CHRM3: variants seen among roughly 807,000 people sequenced by gnomAD.
CHRM3 encodes muscarinic acetylcholine receptor M3.
In CHRM3, 11 loss-of-function variants were observed where a neutral mutation model predicts 41.8. The ratio of observed to expected loss-of-function variants is 0.26; its 90% confidence interval spans 0.17 to 0.44. The LOEUF (loss-of-function observed/expected upper bound fraction) is 0.44. Ranked by LOEUF, CHRM3 falls within the 20% of genes least tolerant of loss-of-function variation. The probability of loss-of-function intolerance (pLI) is 1.00; values close to 1 mark genes in which losing one functional copy is unlikely to be tolerated. For missense variants in CHRM3, 571 were observed against 745.4 expected (o/e 0.77, Z 2.72); for synonymous variants, 297 against 301.4 (o/e 0.99, Z 0.15).
At chr1:239,401,742 C>A (rs1572167076) in intron 1 of CHRM3, among the ~76,000 whole-genome samples, 1 of 152,270 alleles carries the variant, frequency 6.6e-6, no homozygotes, top group East Asian at 1.9e-4. Context: ...ATCCACCCTC[C>A]TTGGCCTCCC....
At chr1:239,744,179 G>T (rs1307076766) in intron 5 of CHRM3, among the ~76,000 whole-genome samples, 1 of 151,920 alleles carries the variant, frequency 6.6e-6, no homozygotes, top group Non-Finnish European at 1.5e-5. Flanking sequence ...ACCACCGTGT[G>T]TCTTAGGAAC....
intron 1 of CHRM3, among the ~76,000 whole-genome samples, chr1:239,410,463 A>G (rs973695968): frequency 1.3e-5 from 2 of 152,176 alleles, no homozygotes; most frequent in Non-Finnish European, 2.9e-5. Flanking sequence ...TTCACCCTCT[A>G]AGAACCCATT....
At chr1:239,871,390 C>T (rs546869210) in intron 6 of CHRM3, among the ~76,000 whole-genome samples, 4 of 151,936 alleles carry the variant, frequency 2.6e-5, no homozygotes, top group African/African-American at 4.8e-5. Flanking sequence ...TACAGGCATG[C>T]GCCAGCATGC....
intron 6 of CHRM3, among the ~76,000 whole-genome samples, chr1:239,864,805 A>C (rs1675950033): frequency 6.6e-6 from 1 of 152,074 alleles, no homozygotes; most frequent in African/African-American, 2.4e-5. Context: ...AAATTAAACT[A>C]TTTTGAGATA....
chr1:239,633,439 G>A (rs1460078329), intron 4 of CHRM3, among the ~76,000 whole-genome samples: 1 of 152,096 alleles, frequency 6.6e-6, no homozygotes, highest in East Asian at 1.9e-4. Flanking sequence ...TCAACAGATA[G>A]AGATTACGGT....
intron 5 of CHRM3, among the ~76,000 whole-genome samples, chr1:239,738,906 G>C (rs920168048): frequency 2.6e-5 from 4 of 152,166 alleles, no homozygotes; most frequent in African/African-American, 9.7e-5. Context: ...TGAGGTAGAA[G>C]CCTTGGTCAC....
chr1:239,482,588 T>A (rs1410099181), intron 1 of CHRM3, among the ~76,000 whole-genome samples: 3 of 152,188 alleles, frequency 2.0e-5, no homozygotes, highest in Admixed American at 6.5e-5. Flanking sequence ...ATTATTAATA[T>A]ACCACTGCCT....
At chr1:239,487,503 A>G (rs1261408044) in intron 1 of CHRM3, among the ~76,000 whole-genome samples, 1 of 152,164 alleles carries the variant, frequency 6.6e-6, no homozygotes, top group Non-Finnish European at 1.5e-5. Context: ...ACCTAGGAGA[A>G]GTTCAGTCAG....
At chr1:239,905,245 T>C (rs1679879033) in intron 6 of CHRM3, among the ~76,000 whole-genome samples, 1 of 152,174 alleles carries the variant, frequency 6.6e-6, no homozygotes, top group African/African-American at 2.4e-5. Flanking sequence ...TGGAAGGAGC[T>C]GGTGGAGAGG....
At chr1:239,663,409 T>C (rs1366221985) in intron 4 of CHRM3, among the ~76,000 whole-genome samples, 1 of 152,170 alleles carries the variant, frequency 6.6e-6, no homozygotes, top group Non-Finnish European at 1.5e-5. Flanking sequence ...CCACATCCCC[T>C]GGAGAGGGAA....
chr1:239,501,972 G>C (rs1668270925), intron 2 of CHRM3, among the ~76,000 whole-genome samples: 1 of 152,120 alleles, frequency 6.6e-6, no homozygotes, highest in African/African-American at 2.4e-5. Flanking sequence ...ACTTCAGAAA[G>C]ACTGACAGAG....
intron 6 of CHRM3, among the ~76,000 whole-genome samples, chr1:239,874,326 T>TATATATATATATATAC (rs1327295792): frequency 8.2e-6 from 1 of 121,984 alleles, no homozygotes; most frequent in Non-Finnish European, 1.7e-5. Flanking sequence ...TATATATATA[T>TATATATATATATATAC]ACACAGTTGA....
At chr1:239,631,807 G>T in intron 3 of CHRM3, among the ~76,000 whole-genome samples, 1 of 152,132 alleles carries the variant, frequency 6.6e-6, no homozygotes, top group East Asian at 1.9e-4. Context: ...GGTAGCAAAT[G>T]GAATACTTGT....
At position 239,908,652 on chromosome 1, in the gene CHRM3, T is replaced by A. The variant is rs201160361; in HGVS notation, c.1201T>A (p.Leu401Met). 28 of 1,612,436 alleles carry A rather than the reference T, an allele frequency of 1.7e-5. 1 individual carries two copies. In the Middle Eastern group the frequency reaches 4.9e-4, roughly 28 times the overall value. Residue 401 changes from leucine (L) to methionine (M), a missense_variant, in exon 7 of 7, where the codon TTG (leucine) becomes ATG (methionine). Leu to Met is a conservative substitution (Grantham distance 15). Coordinates refer to ENST00000676153, the MANE Select transcript of CHRM3 (RefSeq NM_001375978.1). The surrounding 1 kb of genome is among the most constrained non-coding windows in gnomAD (Gnocchi z 7.2). ...VPEEELGMVD[L>M]ERKADKLQAQ... ...TGAGGAGGAGCTGGGGATGGTGGAC[T>A]TGGAGAGGAAAGCCGACAAGCTGCA... is the stretch of plus-strand genomic sequence containing the variant.
chr1:239,664,935 A>T (rs1412492669), intron 4 of CHRM3, among the ~76,000 whole-genome samples: 1 of 151,952 alleles, frequency 6.6e-6, no homozygotes, highest in East Asian at 1.9e-4. Flanking sequence ...ATGTTCTCCT[A>T]GAGAACCTGT....
intron 3 of CHRM3, among the ~76,000 whole-genome samples, chr1:239,560,553 A>G (rs77968038): frequency 0.068 from 10,403 of 152,170 alleles, 588 homozygotes; most frequent in African/African-American, 0.15. Flanking sequence ...TCTAAGTATT[A>G]TTCTAAAATA....
At chr1:239,691,730 G>A (rs1392747598) in intron 5 of CHRM3, among the ~76,000 whole-genome samples, 1 of 151,872 alleles carries the variant, frequency 6.6e-6, no homozygotes, top group Admixed American at 6.6e-5. Flanking sequence ...TTCCTCAGTC[G>A]TGCTAATGTC....
intron 3 of CHRM3, among the ~76,000 whole-genome samples, chr1:239,556,718 A>G (rs1660393583): frequency 6.6e-6 from 1 of 152,332 alleles, no homozygotes; most frequent in East Asian, 1.9e-4. Context: ...GCTTCCACAC[A>G]GAGGAGGCAC....
At chr1:239,456,126 T>C (rs1036797394) in intron 1 of CHRM3, among the ~76,000 whole-genome samples, 1 of 152,152 alleles carries the variant, frequency 6.6e-6, no homozygotes, top group Non-Finnish European at 1.5e-5. Context: ...TCTTTGATAC[T>C]TTTTTTGAGA....
Sources: allele counts gnomAD v4.1 joint callset (sites outside exome capture counted in the v4.1 genomes callset), GRCh38; gene constraint gnomAD v4.1.1; non-coding constraint Gnocchi (gnomAD v3.1); transcripts MANE v1.5; gene names NCBI Gene and HGNC (gene_info 2026-07-23, HGNC 2026-07-21).